The following STRA8 variants were observed in gnomAD, a reference collection of about 807,000 sequenced individuals.
STRA8 encodes stimulated by retinoic acid gene 8 protein homolog.
A neutral mutation model predicts 37.1 loss-of-function variants in STRA8; 18 were observed. The ratio of observed to expected loss-of-function variants is 0.48; its 90% CI spans 0.34 to 0.72. The LOEUF is 0.72. Ranked by LOEUF, STRA8 falls within the 30% of genes least tolerant of loss-of-function variation. The pLI is 0.01. For missense variants in STRA8, 357 were observed against 410.4 expected (o/e 0.87, Z 1.13); for synonymous variants, 168 against 162.9 (o/e 1.03, Z -0.24).
intron 6 of STRA8, among the ~76,000 whole-genome samples, chr7:135,249,317 T>C (rs1832607107): frequency 6.6e-6 from 1 of 152,144 alleles, no homozygotes; most frequent in African/African-American, 2.4e-5. Context: ...GGCGTGGTGA[T>C]GCCAGTCTGT....
intron 1 of STRA8, 118 bp from the exon 2 acceptor site, chr7:135,240,401 G>C: frequency 1.1e-6 from 1 of 903,186 alleles, no homozygotes; most frequent in Non-Finnish European, 1.7e-6. Flanking sequence ...GAGTGAATTT[G>C]GGGCCTTTAC....
rs184902589 is a variant in STRA8, at chr7:135,246,758, G to A, written c.879+56G>A. The A allele has an allele frequency of 2.8e-4, 402 of 1,458,370 alleles. 1 individual carries two copies. The African/African-American group carries it at 5.4e-3, about 20-fold the overall frequency. 90.3% of individuals were successfully genotyped at this position (1,458,370 alleles called of 1,614,324 possible). A position where few individuals can be genotyped will look rare whatever the true frequency, so the allele number is the denominator to read the frequency against. ...GGGCACGGGAACCACCCTCGCCCTC[G>A]CCTGGGGACACCAGGGCTTTGCATT... On this transcript the variant is annotated intron_variant, in intron 6 of 8. Coordinates refer to ENST00000662584, the MANE Select transcript of STRA8 (RefSeq NM_001394401.1). This position sits in a 1 kb window ranked among gnomAD's most constrained non-coding sequence, Gnocchi z 5.4.
intron 8 of STRA8, among the ~76,000 whole-genome samples, 192 bp downstream of exon 8, chr7:135,255,417 T>A (rs1349713245): frequency 6.6e-6 from 1 of 152,162 alleles, no homozygotes; most frequent in Non-Finnish European, 1.5e-5. Context: ...GTAGAATGAA[T>A]GGAAGATAGC....
upstream of STRA8, chr7:135,232,157 C>G (rs960210143): frequency 3.0e-6 from 3 of 993,276 alleles, no homozygotes; most frequent in African/African-American, 4.8e-5. Flanking sequence ...AAGGTTGAGG[C>G]AGGTCAGAGG....
intron 2 of STRA8, among the ~76,000 whole-genome samples, chr7:135,241,061 C>T (rs748769405): frequency 1.3e-5 from 2 of 152,150 alleles, no homozygotes; most frequent in Non-Finnish European, 2.9e-5. Context: ...TAATCACCTT[C>T]CAAAAGCCCC....
intron 8 of STRA8, among the ~76,000 whole-genome samples, chr7:135,256,649 A>G (rs527589507): frequency 1.3e-5 from 2 of 152,268 alleles, no homozygotes; most frequent in African/African-American, 4.8e-5. Flanking sequence ...TACAAAAAAT[A>G]TAAAAATTAG....
chr7:135,246,856 T>G lies in STRA8; in HGVS notation c.879+154T>G. On this transcript the variant is annotated intron_variant, in intron 6 of 8. Coordinates refer to ENST00000662584, the MANE Select transcript of STRA8 (RefSeq NM_001394401.1). This position sits in a 1 kb window ranked among gnomAD's most constrained non-coding sequence, Gnocchi z 5.4. ...CTGATTTTCTTTTTTCTCTTTTTTTTTTTTTTGAGACGGAGTCTCGCTCTG... is the reference window on the plus strand; with the variant it reads ...CTGATTTTCTTTTTTCTCTTTTTTTGTTTTTTGAGACGGAGTCTCGCTCTG... 1 of 841,142 alleles carries G rather than the reference T, an allele frequency of 1.2e-6. No individual in the cohort carries two copies. The highest frequency in any genetic ancestry group is 2.0e-5 in the South Asian group (1 of 49,334). 52.1% of individuals were successfully genotyped at this position (841,142 alleles called of 1,614,324 possible).
At chr7:135,256,069 A>AG (rs1832700026) in intron 8 of STRA8, among the ~76,000 whole-genome samples, 1 of 152,230 alleles carries the variant, frequency 6.6e-6, no homozygotes, top group Non-Finnish European at 1.5e-5. Flanking sequence ...TTGTCAGAGA[A>AG]GGGGGGTTAT....
intron 8 of STRA8, among the ~76,000 whole-genome samples, chr7:135,257,377 G>A (rs1832717014): frequency 6.6e-6 from 1 of 152,204 alleles, no homozygotes; most frequent in Admixed American, 6.5e-5. Context: ...GTCCTGAGGT[G>A]TTGGCTGGGA....
At position 135,245,268 on chromosome 7, in the gene STRA8, G is replaced by T. The variant is rs1044253676; in HGVS notation, c.354-20G>T. On this transcript the variant is annotated intron_variant, in intron 4 of 8. Coordinates refer to ENST00000662584, the MANE Select transcript of STRA8 (RefSeq NM_001394401.1). ...AGGGATATTAATCTATAGTTGTCTT[G>T]TTTCTGTTTTCTTTCCCAGCCTGCT... 2 of 780,738 alleles carry T rather than the reference G, an allele frequency of 2.6e-6. No individual in the cohort carries two copies. The highest frequency in any genetic ancestry group is 3.4e-5 in the African/African-American group (2 of 59,114). 48.4% of individuals were successfully genotyped at this position (780,738 alleles called of 1,614,324 possible).
intron 1 of STRA8, among the ~76,000 whole-genome samples, chr7:135,238,235 C>G (rs1832407879): frequency 6.6e-6 from 1 of 152,182 alleles, no homozygotes; most frequent in Non-Finnish European, 1.5e-5. Context: ...CAGCTCCTGA[C>G]CAGGGGGCGC....
At position 135,246,468 on chromosome 7, in the gene STRA8, C is replaced by G. The variant is rs1832556174; in HGVS notation, c.645C>G (p.Ile215Met). ...QTMDLLTGSG[I>M]ITPQEAALPI... ...TGGACCTTCTGACTGGCAGCGGGAT[C>G]ATTACCCCGCAGGAGGCGGCGCTGC... Residue 215 changes from isoleucine (I) to methionine (M), a missense_variant, in exon 6 of 9, where the codon ATC becomes ATG. Physicochemically the swap from Ile to Met is conservative, Grantham distance 10. Transcript: ENST00000662584. The surrounding 1 kb of genome is among the most constrained non-coding windows in gnomAD (Gnocchi z 5.4). 1.9e-6 allele frequency: 3 copies of G among 1,596,172 alleles called. No individual in the cohort carries two copies. The South Asian group carries it at 3.4e-5, about 18-fold the overall frequency.
intron 4 of STRA8, among the ~76,000 whole-genome samples, chr7:135,243,623 T>C (rs987346099): frequency 1.3e-5 from 2 of 152,228 alleles, no homozygotes; most frequent in Non-Finnish European, 2.9e-5. Context: ...AGATACATGC[T>C]TATCACAGAA....
At chr7:135,245,246 G>T in intron 4 of STRA8, 42 bp from the exon 5 acceptor site, 1 of 780,662 alleles carries the variant, frequency 1.3e-6, no homozygotes, top group Admixed American at 1.7e-5. Flanking sequence ...GTTCATGAGG[G>T]ATATTAATCT....
At chr7:135,233,284 C>T (rs1049230768), upstream of STRA8, among the ~76,000 whole-genome samples, 12 of 152,146 alleles carry the variant, frequency 7.9e-5, no homozygotes, top group Admixed American at 2.6e-4. Context: ...CTCCCCCCAT[C>T]CTCTATTTCT....
rs1443160257 is a variant in STRA8, at chr7:135,245,504, G to C, written c.570G>C (p.Ser190=). ...KVILYSPGTL[S]PDLMEFERYL... ...TCTTATACTCCCCAGGAACTTTGTC[G>C]CCTGACCTCATGGAATTTGAACGGT... The change falls in exon 5 of 9, where the codon TCG becomes TCC. Residue 190 remains serine, a synonymous_variant. Coordinates refer to ENST00000662584, the MANE Select transcript of STRA8 (RefSeq NM_001394401.1). 6.6e-6 allele frequency among the ~76,000 whole-genome samples: 1 copy of C among 152,128 alleles called. No individual in the cohort carries two copies. Among genetic ancestry groups the C allele is most frequent in the Admixed American group, 6.5e-5 (1 of 15,270 alleles).
chr7:135,248,007 C>T (rs1023686782), intron 6 of STRA8, among the ~76,000 whole-genome samples: 1 of 152,234 alleles, frequency 6.6e-6, no homozygotes, highest in Non-Finnish European at 1.5e-5. Flanking sequence ...AGGCCACCCC[C>T]TTGCCCTGAC....
At chr7:135,244,793 A>G (rs1832520428) in intron 4 of STRA8, among the ~76,000 whole-genome samples, 1 of 152,176 alleles carries the variant, frequency 6.6e-6, no homozygotes, top group South Asian at 2.1e-4. Flanking sequence ...CTTCTGCTCC[A>G]ATGTATATTC....
At chr7:135,244,591 G>T (rs1206423080) in intron 4 of STRA8, among the ~76,000 whole-genome samples, 1 of 152,212 alleles carries the variant, frequency 6.6e-6, no homozygotes, top group Non-Finnish European at 1.5e-5. Flanking sequence ...TATTGTAAAT[G>T]ATGCTTTTTA....
Sources: allele counts gnomAD v4.1 joint callset (sites outside exome capture counted in the v4.1 genomes callset), GRCh38; gene constraint gnomAD v4.1.1; non-coding constraint Gnocchi (gnomAD v3.1); transcripts MANE v1.5; gene names NCBI Gene and HGNC (gene_info 2026-07-23, HGNC 2026-07-21).